The following RPUSD2 variants were observed in gnomAD, a reference collection of about 807,000 sequenced individuals.
RPUSD2 encodes the protein pseudouridylate synthase RPUSD2.
Under a neutral mutation model 41.5 loss-of-function variants are expected in RPUSD2, and 31 were observed. The observed-to-expected ratio is 0.75, with a 90% CI of 0.56 to 1.01. The LOEUF (loss-of-function observed/expected upper bound fraction) is 1.01. Ranked by LOEUF, RPUSD2 falls within the 50% of genes least tolerant of loss-of-function variation. RPUSD2 has a pLI of 0.00. For missense variants in RPUSD2, 749 were observed against 724.7 expected (o/e 1.03, Z -0.38); for synonymous variants, 305 against 289.7 (o/e 1.05, Z -0.54).
chr15:40,571,918 C>T lies in RPUSD2; in HGVS notation c.903+18C>T, dbSNP rs749346834. 17 of 1,608,830 alleles carry T rather than the reference C, an allele frequency of 1.1e-5. No homozygotes were observed. Among genetic ancestry groups the T allele is most frequent in the Non-Finnish European group, 1.4e-5 (17 of 1,177,588 alleles). ...ACCGGCAGGTGAGTCAGGCTTTTGT[C>T]TCCTACAGGCCACTTCTTGGGCTCA... On this transcript the variant is annotated intron_variant, in intron 2 of 2. Transcript: ENST00000315616.
chr15:40,570,861 G>A (rs1391724594), intron 1 of RPUSD2, among the ~76,000 whole-genome samples: 1 of 152,176 alleles, frequency 6.6e-6, no homozygotes, highest in African/African-American at 2.4e-5. Flanking sequence ...AGAGCATGTA[G>A]CGAGCCTGTG....
chr15:40,573,824 G>C lies in RPUSD2; in HGVS notation c.1201G>C (p.Gly401Arg), dbSNP rs371870042. Reference sequence around the variant, plus strand: ...TGCCTGGGGTCCTTCTCGAGGCCGGGGCGGCTACATTCCCAAGACAAACGA... The same window carrying C: ...TGCCTGGGGTCCTTCTCGAGGCCGGCGCGGCTACATTCCCAAGACAAACGA... The part of the protein sequence containing the change: ...SVAWGPSRGR[G>R]GYIPKTNEEL... The change falls in exon 3 of 3, where the codon GGC becomes CGC. Residue 401 changes from glycine (G) to arginine (R), a missense_variant. Physicochemically the swap from Gly to Arg is moderately radical, Grantham distance 125 (BLOSUM62 -2). Coordinates refer to ENST00000315616, the MANE Select transcript of RPUSD2 (RefSeq NM_152260.3). The C allele has an allele frequency of 1.9e-5, 31 of 1,614,076 alleles. No homozygotes were observed. Among genetic ancestry groups the C allele is most frequent in the Non-Finnish European group, 2.5e-5 (30 of 1,180,046 alleles).
chr15:40,570,087 G>T lies in RPUSD2; in HGVS notation c.606+144G>T, dbSNP rs1435679001. 1.5e-5 allele frequency: 18 copies of T among 1,205,132 alleles called. No individual in the cohort carries two copies. The Admixed American group carries it at 5.7e-4, about 38-fold the overall frequency. The allele number at this position is 1,205,132 out of a possible 1,614,324, so 74.7% of individuals were successfully genotyped here. On this transcript the variant is annotated intron_variant, in intron 1 of 2. Transcript: ENST00000315616. Reference sequence around the variant, plus strand: ...TCTAAAGCGTTCTCGCTTTCATTTGGAACACTATTTTAGCCCGTTTCCCAC... The same window carrying T: ...TCTAAAGCGTTCTCGCTTTCATTTGTAACACTATTTTAGCCCGTTTCCCAC...
In RPUSD2 at chr15:40,571,566, C is replaced by T. The variant is rs752853958; in HGVS notation, c.607-38C>T. On this transcript the variant is annotated intron_variant, in intron 1 of 2. Coordinates refer to ENST00000315616, the MANE Select transcript of RPUSD2 (RefSeq NM_152260.3). ...TATGAAGTTGACTGATTACAGGCTG[C>T]GGTCCCTAGGCTGACTTATTACCTA... 9.4e-6 allele frequency: 15 copies of T among 1,590,106 alleles called. No homozygotes were observed. In the East Asian group the frequency reaches 1.1e-4, roughly 12 times the overall value.
rs548812198 is a variant in RPUSD2, at chr15:40,571,956, G to C, written c.903+56G>C. On this transcript the variant is annotated intron_variant, in intron 2 of 2. Transcript: ENST00000315616. ...CTTCTTGGGCTCACGAATGCTCTGT[G>C]TCAAAAGGGCATCATGGAGTTCCGA... 322 of 1,543,340 alleles carry C rather than the reference G, an allele frequency of 2.1e-4. 1 individual carries two copies. In the South Asian group the frequency reaches 3.6e-3, roughly 17 times the overall value.
chr15:40,574,204 C>G lies in RPUSD2; in HGVS notation c.1581C>G (p.Gly527=), dbSNP rs1454126151. 1.9e-6 allele frequency: 3 copies of G among 1,613,576 alleles called. No homozygotes were observed. Among genetic ancestry groups the G allele is most frequent in the Non-Finnish European group, 8.5e-7 (1 of 1,179,998 alleles). The change falls in exon 3 of 3, where the codon GGC becomes GGG. Residue 527 remains glycine, a synonymous_variant. Coordinates refer to ENST00000315616, the MANE Select transcript of RPUSD2 (RefSeq NM_152260.3). ...ATGCCCTACGCTATAAAGGGCCAGG[C>G]TTTGAGTACTTTTCACCAATGCCTG... is the stretch of plus-strand genomic sequence containing the variant. ...FLHALRYKGP[G]FEYFSPMPAW... is the part of the protein sequence containing the mutation.
At chr15:40,570,996 A>AT (rs554986069) in intron 1 of RPUSD2, among the ~76,000 whole-genome samples, 2,210 of 141,350 alleles carry the variant, frequency 0.016, 24 homozygotes, top group African/African-American at 0.031. Context: ...TTGATTATTT[A>AT]TTTTTTTTTT....
rs150654658 is a variant in RPUSD2 at position 40,573,815 on chromosome 15, C to T, written c.1192C>T (p.Arg398Ter). The part of the protein sequence containing the change: ...IYNSVAWGPS[R>*]GRGGYIPKTN... ...CAACTCAGTTGCCTGGGGTCCTTCTCGAGGCCGGGGCGGCTACATTCCCAA... is the reference window on the plus strand; with the variant it reads ...CAACTCAGTTGCCTGGGGTCCTTCTTGAGGCCGGGGCGGCTACATTCCCAA... The change falls in exon 3 of 3, where the codon CGA becomes TGA. Residue 398 changes from arginine to a stop codon, truncating the protein, a stop_gained. Transcript: ENST00000315616. LOFTEE classifies it high-confidence loss of function. 9 of 1,614,070 alleles carry T rather than the reference C, an allele frequency of 5.6e-6. No individual in the cohort carries two copies. Among genetic ancestry groups the T allele is most frequent in the East Asian group, 4.5e-5 (2 of 44,904 alleles).
rs1891093192 is a variant in RPUSD2 at position 40,569,687 on chromosome 15, G to A, written c.350G>A (p.Arg117Gln). 2 of 1,563,286 alleles carry A rather than the reference G, an allele frequency of 1.3e-6. No homozygotes were observed. The highest frequency in any genetic ancestry group is 2.7e-5 in the African/African-American group (2 of 74,070). ...RERVVPPPKK[R>Q]RTGVSFGDEH... ...CGTGTCGTGCCGCCCCCGAAGAAGC[G>A]GCGGACCGGGGTGAGCTTCGGAGAT... Residue 117 changes from arginine (R) to glutamine (Q), a missense_variant, in exon 1 of 3, where the codon CGG becomes CAG. Coordinates refer to ENST00000315616, the MANE Select transcript of RPUSD2 (RefSeq NM_152260.3).
intron 2 of RPUSD2, 34 bp from the exon 3 acceptor site, chr15:40,573,493 T>C (rs1383334437): frequency 6.3e-7 from 1 of 1,580,212 alleles, no homozygotes; most frequent in Admixed American, 1.7e-5. Context: ...ATTTAGGCTT[T>C]GTACTGACTT....
At position 40,574,121 on chromosome 15, in the gene RPUSD2, G is replaced by T. The variant is rs1300691159; in HGVS notation, c.1498G>T (p.Ala500Ser). The change falls in exon 3 of 3, where the codon GCA (alanine) becomes TCA (serine). Residue 500 changes from alanine (A) to serine (S), a missense_variant. Physicochemically the swap from Ala to Ser is moderately conservative, Grantham distance 99. Coordinates refer to ENST00000315616, the MANE Select transcript of RPUSD2 (RefSeq NM_152260.3). ...GAATCAAGAGACAGACCCACTCTGT[G>T]CAGAGTGCCGGCTGGTGCGACAGGA... is the stretch of plus-strand genomic sequence containing the variant. ...VMNQETDPLC[A>S]ECRLVRQDPL... is the part of the protein sequence containing the mutation. The T allele has an allele frequency of 6.2e-7, 1 of 1,614,228 alleles. No individual in the cohort carries two copies. Among genetic ancestry groups the T allele is most frequent in the Admixed American group, 1.7e-5 (1 of 60,030 alleles).
At chr15:40,572,581 A>AT (rs1891166469) in intron 2 of RPUSD2, among the ~76,000 whole-genome samples, 1 of 149,094 alleles carries the variant, frequency 6.7e-6, no homozygotes, top group Non-Finnish European at 1.5e-5. Context: ...AAAAAAAAAA[A>AT]CTTACCCTGG....
chr15:40,569,708 G>A lies in RPUSD2; in HGVS notation c.371G>A (p.Gly124Glu), dbSNP rs760142572. Residue 124 changes from glycine to glutamate, a missense_variant, in exon 1 of 3, where the codon GGA becomes GAA. Transcript: ENST00000315616. Reference protein sequence around the residue: ...PKKRRTGVSFGDEHFAETSYY... With the variant: ...PKKRRTGVSFEDEHFAETSYY... ...AAGCGGCGGACCGGGGTGAGCTTCG[G>A]AGATGAGCACTTTGCAGAAACCAGT... The A allele has an allele frequency of 8.2e-6, 13 of 1,583,226 alleles. No homozygotes were observed. Among genetic ancestry groups the A allele is most frequent in the African/African-American group, 2.7e-5 (2 of 74,500 alleles).
rs398026953 is a variant in RPUSD2 at position 40,573,020 on chromosome 15, CTTTT to C, written c.904-489_904-486del. On this transcript the variant is annotated intron_variant, in intron 2 of 2. Coordinates refer to ENST00000315616, the MANE Select transcript of RPUSD2 (RefSeq NM_152260.3). ...GAGGTAAATGCTTTTCTTTTCTTTT[CTTTT>C]TTTTTTTTTTTTTTTTTGAGATGGA... is the stretch of plus-strand genomic sequence containing the variant. 1.3e-4 allele frequency among the ~76,000 whole-genome samples: 13 copies of C among 96,750 alleles called. No individual in the cohort carries two copies. The South Asian group carries it at 2.4e-3, about 18-fold the overall frequency. The allele number at this position is 96,750 out of a possible 152,430, so 63.5% of individuals were successfully genotyped here.
Position 40,569,748 on chromosome 15 carries a change from C to A in RPUSD2, c.411C>A (p.Gly137=), listed in dbSNP as rs1566989367. 8 of 1,604,852 alleles carry A rather than the reference C, an allele frequency of 5.0e-6. No homozygotes were observed. Among genetic ancestry groups the A allele is most frequent in the Non-Finnish European group, 6.8e-6 (8 of 1,175,808 alleles). The change falls in exon 1 of 3, where the codon GGC becomes GGA. Residue 137 remains glycine (G), a synonymous_variant. Transcript: ENST00000315616. ...CAGAAACCAGTTATTACTTCGAGGG[C>A]GGCCTGCGTAAGGTGCGGCCCTATT... is the stretch of plus-strand genomic sequence containing the variant. ...HFAETSYYFE[G]GLRKVRPYYF... is the part of the protein sequence containing the mutation.
At position 40,569,547 on chromosome 15, in the gene RPUSD2, GCCC is replaced by G. The variant is rs752777319; in HGVS notation, c.213_215del (p.Pro72del). ...ACGCGAAGGTTGAGCTGTCCCCCGG[GCCC>G]CCGAAGCCGGCTGGCCGGGAAGTGG... On this transcript the variant is annotated inframe_deletion, in exon 1 of 3. Coordinates refer to ENST00000315616, the MANE Select transcript of RPUSD2 (RefSeq NM_152260.3). 1 of 1,534,094 alleles carries G rather than the reference GCCC, an allele frequency of 6.5e-7. No individual in the cohort carries two copies. The highest frequency in any genetic ancestry group is 2.3e-5 in the East Asian group (1 of 44,286).
At position 40,574,239 on chromosome 15, in the gene RPUSD2, A is replaced by C. The variant is rs1891210065; in HGVS notation, c.1616A>C (p.Gln539Pro). The change falls in exon 3 of 3, where the codon CAG becomes CCG. Residue 539 changes from glutamine to proline, a missense_variant. Coordinates refer to ENST00000315616, the MANE Select transcript of RPUSD2 (RefSeq NM_152260.3). The stretch of plus-strand genomic sequence containing the variant: ...TTTTCACCAATGCCTGCCTGGGCAC[A>C]GGATGACTGGCAAAAGGACTGAGGG... The part of the protein sequence containing the change: ...EYFSPMPAWA[Q>P]DDWQKD The C allele has an allele frequency of 6.2e-7, 1 of 1,612,036 alleles. No individual in the cohort carries two copies. Among genetic ancestry groups the C allele is most frequent in the African/African-American group, 1.3e-5 (1 of 75,016 alleles).
intron 2 of RPUSD2, among the ~76,000 whole-genome samples, chr15:40,572,437 G>A (rs12324748): frequency 0.36 from 53,899 of 151,636 alleles, 10,449 homozygotes; most frequent in Non-Finnish European, 0.45. Flanking sequence ...GTGGTGGCGG[G>A]CACCTATAGT....
Position 40,569,868 on chromosome 15 carries a change from C to G in RPUSD2, c.531C>G (p.Tyr177Ter). Residue 177 changes from tyrosine to a stop codon, truncating the protein, a stop_gained, in exon 1 of 3, where the codon TAC becomes TAG. Coordinates refer to ENST00000315616, the MANE Select transcript of RPUSD2 (RefSeq NM_152260.3). LOFTEE classifies it high-confidence loss of function. ...AGTTCCGAGCTCAGCCCCTGGCCTA[C>G]TATGAGGCCGCGGTCCGGGCGGGCC... ...STEFRAQPLAYYEAAVRAGRL... is the reference protein window; with the variant it reads ...STEFRAQPLA 1 of 1,605,810 alleles carries G rather than the reference C, an allele frequency of 6.2e-7. No individual in the cohort carries two copies. The highest frequency in any genetic ancestry group is 8.5e-7 in the Non-Finnish European group (1 of 1,176,618).
Sources: gnomAD v4.1 joint callset for allele counts (sites outside exome capture counted in the v4.1 genomes callset) on GRCh38, gnomAD v4.1.1 for gene constraint, MANE v1.5 for transcripts, NCBI Gene and HGNC (gene_info 2026-07-23, HGNC 2026-07-21) for gene names.